RAMP1: variants seen among roughly 807,000 people sequenced by gnomAD.
RAMP1 encodes receptor activity modifying protein 1, also known as receptor activity-modifying protein 1.
In RAMP1, 7 loss-of-function variants were observed where a neutral mutation model predicts 8.2. The observed-to-expected ratio is 0.85, with a 90% confidence interval of 0.49 to 1.60. The LOEUF (loss-of-function observed/expected upper bound fraction) is 1.60, where lower values mean the gene tolerates loss of function less well. Among genes scored for constraint, RAMP1 ranks in the 40% most tolerant of loss-of-function variants. RAMP1 has a pLI of 0.00. For missense variants in RAMP1, 192 were observed against 202.4 expected, an observed-to-expected ratio of 0.95 and a Z score of 0.31; for synonymous variants, 92 against 84.7, an observed-to-expected ratio of 1.09 and a Z score of -0.47.
chr2:237,885,982 CTTACAGAGGAGAAGG>C (rs981255052), intron 2 of RAMP1, among the ~76,000 whole-genome samples: 9 of 152,184 alleles, frequency 5.9e-5, no homozygotes, highest in Non-Finnish European at 8.8e-5. Context: ...CAGGCTATGG[CTTACAGAGGAGAAGG>C]GGGCAGAGGA....
chr2:237,872,501 G>A (rs934460907), intron 1 of RAMP1, among the ~76,000 whole-genome samples: 36 of 152,200 alleles, frequency 2.4e-4, no homozygotes, highest in African/African-American at 7.5e-4. Flanking sequence ...GGGGCTCCTG[G>A]CCAAGGGTCT....
At chr2:237,869,171 C>T (rs1292778437) in intron 1 of RAMP1, among the ~76,000 whole-genome samples, 1 of 152,158 alleles carries the variant, frequency 6.6e-6, no homozygotes, top group Non-Finnish European at 1.5e-5. Flanking sequence ...TGCGTGTTCA[C>T]GCAGGGGAGA....
At chr2:237,889,190 A>C (rs114818815) in intron 2 of RAMP1, among the ~76,000 whole-genome samples, 1 of 152,190 alleles carries the variant, frequency 6.6e-6, no homozygotes, top group South Asian at 2.1e-4. Flanking sequence ...CTGTGAACAC[A>C]TGGATGCTCC....
chr2:237,868,974 G>A (rs1057258514), intron 1 of RAMP1, among the ~76,000 whole-genome samples: 4 of 152,060 alleles, frequency 2.6e-5, no homozygotes, highest in African/African-American at 4.8e-5. Context: ...CAAATTTTTC[G>A]TGTTGTAAAT....
intron 2 of RAMP1, among the ~76,000 whole-genome samples, chr2:237,891,308 G>A (rs1281449119): frequency 3.3e-5 from 5 of 152,032 alleles, no homozygotes; most frequent in African/African-American, 1.2e-4. Context: ...CCGCCACCAC[G>A]CCCGGCTGAT....
In RAMP1 at chr2:237,877,702, T is replaced by C. The variant is rs1302001341; in HGVS notation, c.191+340T>C. Among the ~76,000 whole-genome samples the C allele has an allele frequency of 6.6e-6, 1 of 152,190 alleles. No individual in the cohort carries two copies. Among genetic ancestry groups the C allele is most frequent in the Non-Finnish European group, 1.5e-5 (1 of 68,016 alleles). Reference sequence around the variant, plus strand: ...CTCATGCCCAGGGTGGCCGGGTCTCTGACTGGAGCCTGGCTTCAGGGACGT... The same window carrying C: ...CTCATGCCCAGGGTGGCCGGGTCTCCGACTGGAGCCTGGCTTCAGGGACGT... On this transcript the variant is annotated intron_variant, in intron 2 of 2. Coordinates refer to ENST00000254661, the MANE Select transcript of RAMP1 (RefSeq NM_005855.4). The surrounding 1 kb of genome is among the most constrained non-coding windows in gnomAD (Gnocchi z 4.4).
chr2:237,870,669 T>C (rs568383678), intron 1 of RAMP1, among the ~76,000 whole-genome samples: 22 of 152,188 alleles, frequency 1.4e-4, no homozygotes, highest in African/African-American at 4.3e-4. Flanking sequence ...CGGTTGACAA[T>C]GTGTAGAGTT....
At position 237,862,350 on chromosome 2, in the gene RAMP1, A is replaced by C. The variant is rs1361754781; in HGVS notation, c.52+2623A>C. 6.6e-6 allele frequency among the ~76,000 whole-genome samples: 1 copy of C among 152,178 alleles called. No homozygotes were observed. The highest frequency in any genetic ancestry group is 1.9e-4 in the East Asian group (1 of 5,186). On this transcript the variant is annotated intron_variant, in intron 1 of 2. Transcript: ENST00000254661. This position sits in a 1 kb window ranked among gnomAD's most constrained non-coding sequence, Gnocchi z 4.0. ...TTACCCTCTCTGTGTGTCTAGCTGC[A>C]GGAAGAAATTTCTGGATTTTTGTCT... is the stretch of plus-strand genomic sequence containing the variant.
At chr2:237,864,033 G>A (rs543027190) in intron 1 of RAMP1, among the ~76,000 whole-genome samples, 15 of 152,014 alleles carry the variant, frequency 9.9e-5, no homozygotes, top group Non-Finnish European at 2.1e-4. Context: ...GTACGTTAGT[G>A]TCACCCCCAC....
upstream of RAMP1, chr2:237,859,406 G>A (rs1203369269): frequency 6.5e-6 from 1 of 154,260 alleles, no homozygotes; most frequent in East Asian, 1.9e-4. Context: ...CATTTCAGGA[G>A]GCCTTCCTGG....
intron 1 of RAMP1, among the ~76,000 whole-genome samples, chr2:237,868,462 C>T (rs1300527087): frequency 2.0e-5 from 3 of 151,936 alleles, no homozygotes; most frequent in Admixed American, 6.6e-5. Flanking sequence ...CATCTGTGAA[C>T]ATCTGTCCTT....
At chr2:237,864,944 A>T (rs1450706235) in intron 1 of RAMP1, among the ~76,000 whole-genome samples, 1 of 152,174 alleles carries the variant, frequency 6.6e-6, no homozygotes, top group African/African-American at 2.4e-5. Context: ...GAGGGCTTTG[A>T]GCCGAAGCTG....
intron 2 of RAMP1, among the ~76,000 whole-genome samples, chr2:237,894,639 G>T (rs2062520416): frequency 6.6e-6 from 1 of 152,208 alleles, no homozygotes. Flanking sequence ...AAGCCAGGCG[G>T]GGCTGAGGCT....
chr2:237,888,773 TTTTG>T (rs1003041547), intron 2 of RAMP1, among the ~76,000 whole-genome samples: 165 of 152,264 alleles, frequency 1.1e-3, no homozygotes, highest in African/African-American at 3.6e-3. Context: ...AAATTCTTTT[TTTTG>T]TTTGTTTGTT....
intron 2 of RAMP1, among the ~76,000 whole-genome samples, chr2:237,898,332 G>A (rs10192933): frequency 0.011 from 1,644 of 152,256 alleles, 37 homozygotes; most frequent in African/African-American, 0.037. Context: ...GGCATCCCTG[G>A]GCTGGCACAG....
intron 2 of RAMP1, among the ~76,000 whole-genome samples, chr2:237,895,678 G>C (rs1157177118): frequency 6.6e-6 from 1 of 152,104 alleles, no homozygotes; most frequent in Non-Finnish European, 1.5e-5. Context: ...GAAGAGTCTA[G>C]TGGCATCGGG....
At chr2:237,867,879 T>G (rs1173629378) in intron 1 of RAMP1, among the ~76,000 whole-genome samples, 1 of 152,160 alleles carries the variant, frequency 6.6e-6, no homozygotes, top group Non-Finnish European at 1.5e-5. Flanking sequence ...TCTTTCCCTG[T>G]GTGCTAGGAT....
rs2062325292 is a variant in RAMP1 at position 237,877,860 on chromosome 2, C to T, written c.191+498C>T. 6 of 722,782 alleles carry T rather than the reference C, an allele frequency of 8.3e-6. No individual in the cohort carries two copies. The highest frequency in any genetic ancestry group is 1.0e-5 in the Non-Finnish European group (6 of 590,588). 44.8% of individuals were successfully genotyped at this position (722,782 alleles called of 1,614,324 possible). On this transcript the variant is annotated intron_variant, in intron 2 of 2. Transcript: ENST00000254661. The surrounding 1 kb of genome is among the most constrained non-coding windows in gnomAD (Gnocchi z 4.4). ...CAGCCCCCAGCAGGACGGCTTCAGCCGAACCCTTCCCCACCTGGCCCGATC... is the reference window on the plus strand; with the variant it reads ...CAGCCCCCAGCAGGACGGCTTCAGCTGAACCCTTCCCCACCTGGCCCGATC...
rs1401174727 is a variant in RAMP1 at position 237,878,720 on chromosome 2, A to C, written c.191+1358A>C. ...CAGGCCCAGAGTCCGTGCTCAGTGC[A>C]CTGTTGTTGAGGCGACTCTGTACCT... On this transcript the variant is annotated intron_variant, in intron 2 of 2. Transcript: ENST00000254661. This position sits in a 1 kb window ranked among gnomAD's most constrained non-coding sequence, Gnocchi z 5.7. Among the ~76,000 whole-genome samples, 1 of 152,214 alleles carries C rather than the reference A, an allele frequency of 6.6e-6. No individual in the cohort carries two copies. The highest frequency in any genetic ancestry group is 6.5e-5 in the Admixed American group (1 of 15,274).
Sources: allele counts gnomAD v4.1 joint callset (sites outside exome capture counted in the v4.1 genomes callset), GRCh38; gene constraint gnomAD v4.1.1; non-coding constraint Gnocchi (gnomAD v3.1); transcripts MANE v1.5; gene names NCBI Gene and HGNC (gene_info 2026-07-23, HGNC 2026-07-21).